ANO10: variants seen among roughly 807,000 people sequenced by gnomAD.
ANO10 encodes the protein anoctamin-10.
Under a neutral mutation model 74.7 loss-of-function variants are expected in ANO10, and 77 were observed. The observed-to-expected ratio is 1.03, with a 90% confidence interval of 0.86 to 1.25. ANO10 has a LOEUF of 1.25. ANO10 is among the 50% of genes most tolerant of loss of function. The pLI is 0.00. For missense variants in ANO10, 721 were observed against 778.1 expected, an observed-to-expected ratio of 0.93 and a Z score of 0.87; for synonymous variants, 279 against 284.9, an observed-to-expected ratio of 0.98 and a Z score of 0.21.
intron 1 of ANO10, among the ~76,000 whole-genome samples, chr3:43,664,059 G>A (rs1309682622): frequency 6.6e-6 from 1 of 152,150 alleles, no homozygotes; most frequent in Non-Finnish European, 1.5e-5. Flanking sequence ...CCAAAAAAGA[G>A]CTCACATAGC....
intron 1 of ANO10, among the ~76,000 whole-genome samples, chr3:43,612,386 T>G (rs1386485324): frequency 6.6e-6 from 1 of 151,888 alleles, no homozygotes; most frequent in Non-Finnish European, 1.5e-5. Flanking sequence ...AAACCAAAAC[T>G]AAACATACAC....
intron 12 of ANO10, among the ~76,000 whole-genome samples, chr3:43,410,138 T>C (rs1236591259): frequency 6.6e-6 from 1 of 151,982 alleles, no homozygotes; most frequent in African/African-American, 2.4e-5. Context: ...TCTTCCGTAT[T>C]TAACATAAGA....
At chr3:43,452,551 A>T (rs1348152933) in intron 11 of ANO10, among the ~76,000 whole-genome samples, 1 of 152,252 alleles carries the variant, frequency 6.6e-6, no homozygotes. Flanking sequence ...TTGTATAAAT[A>T]AACCACATTT....
intron 1 of ANO10, among the ~76,000 whole-genome samples, chr3:43,637,297 G>A (rs760067840): frequency 3.3e-5 from 5 of 152,066 alleles, no homozygotes; most frequent in Non-Finnish European, 5.9e-5. Flanking sequence ...GTGAAACCCG[G>A]TCTCTACTAA....
intron 10 of ANO10, among the ~76,000 whole-genome samples, chr3:43,553,465 C>T (rs1408992983): frequency 2.0e-5 from 3 of 151,974 alleles, no homozygotes; most frequent in Non-Finnish European, 4.4e-5. Context: ...TTTTTATACC[C>T]CCACAGGTCC....
intron 7 of ANO10, among the ~76,000 whole-genome samples, 197 bp from the exon 8 acceptor site, chr3:43,565,924 CG>C (rs1297536031): frequency 1.3e-5 from 2 of 152,056 alleles, no homozygotes; most frequent in Non-Finnish European, 2.9e-5. Flanking sequence ...TCTGAGGTAC[CG>C]GGTTCATCTC....
chr3:43,432,242 A>G (rs1245869944), intron 12 of ANO10, among the ~76,000 whole-genome samples: 1 of 151,066 alleles, frequency 6.6e-6, no homozygotes, highest in Non-Finnish European at 1.5e-5. Flanking sequence ...TCTGAAAGCT[A>G]TTATTCAGGA....
At chr3:43,437,877 C>CAA (rs200845444) in intron 11 of ANO10, among the ~76,000 whole-genome samples, 13 of 142,878 alleles carry the variant, frequency 9.1e-5, no homozygotes, top group South Asian at 6.7e-4. Flanking sequence ...AAAAAAAAAA[C>CAA]AAAAAAAAAC....
intron 1 of ANO10, among the ~76,000 whole-genome samples, chr3:43,653,325 T>A (rs1450532140): frequency 6.6e-6 from 1 of 152,088 alleles, no homozygotes; most frequent in Admixed American, 6.5e-5. Flanking sequence ...ATAAAAGTAT[T>A]CAGATTAATG....
At chr3:43,649,298 C>T (rs1422330845) in intron 1 of ANO10, among the ~76,000 whole-genome samples, 11 of 152,194 alleles carry the variant, frequency 7.2e-5, no homozygotes, top group Non-Finnish European at 1.2e-4. Flanking sequence ...AGATTATTTA[C>T]TGTGATAATT....
intron 8 of ANO10, among the ~76,000 whole-genome samples, chr3:43,564,030 T>C (rs930817374): frequency 6.6e-6 from 1 of 152,136 alleles, no homozygotes; most frequent in Non-Finnish European, 1.5e-5. Flanking sequence ...ATACTCTAAA[T>C]ACCTTGATTG....
intron 1 of ANO10, among the ~76,000 whole-genome samples, chr3:43,619,308 A>G (rs1271345554): frequency 6.6e-6 from 1 of 152,216 alleles, no homozygotes; most frequent in Non-Finnish European, 1.5e-5. Flanking sequence ...TGACGACTAA[A>G]TACAGTGTAG....
At chr3:43,655,085 T>A (rs1416231391) in intron 1 of ANO10, among the ~76,000 whole-genome samples, 3 of 152,220 alleles carry the variant, frequency 2.0e-5, no homozygotes, top group Non-Finnish European at 2.9e-5. Flanking sequence ...ACAATCATTT[T>A]CCTTTTACAC....
intron 4 of ANO10, among the ~76,000 whole-genome samples, chr3:43,584,338 C>T (rs1315639754): frequency 1.3e-5 from 2 of 152,158 alleles, no homozygotes; most frequent in Non-Finnish European, 2.9e-5. Context: ...CATATAACTC[C>T]ACTTGTTATC....
At chr3:43,667,082 T>G (rs1183410589) in intron 1 of ANO10, among the ~76,000 whole-genome samples, 7 of 135,156 alleles carry the variant, frequency 5.2e-5, no homozygotes, top group East Asian at 2.2e-4. Flanking sequence ...GTTTTTTTTT[T>G]TTTTTTTTTT....
intron 7 of ANO10, among the ~76,000 whole-genome samples, chr3:43,569,145 G>C (rs1165600257): frequency 6.7e-6 from 1 of 149,202 alleles, no homozygotes; most frequent in African/African-American, 2.5e-5. Flanking sequence ...AGAAGAAGTT[G>C]AATCTCTGAA....
intron 1 of ANO10, among the ~76,000 whole-genome samples, chr3:43,672,491 A>G (rs762392239): frequency 2.0e-5 from 3 of 152,216 alleles, no homozygotes; most frequent in Non-Finnish European, 2.9e-5. Context: ...TAATTGCACC[A>G]CTGCACTCCA....
rs1157765872 is a variant in ANO10, at chr3:43,386,509, A to C, written c.1915-19535T>G. 3.3e-5 allele frequency among the ~76,000 whole-genome samples: 5 copies of C among 152,130 alleles called. No individual in the cohort carries two copies. The East Asian group carries it at 9.7e-4, about 29-fold the overall frequency. On this transcript the variant is annotated intron_variant, in intron 12 of 12. Transcript: ENST00000292246. ...CTTAAATGTCCCCTCAAAATAGAGAAAAAGGGGACCTCACTGTGTGCTGGG... is the reference window on the plus strand; with the variant it reads ...CTTAAATGTCCCCTCAAAATAGAGACAAAGGGGACCTCACTGTGTGCTGGG...
intron 11 of ANO10, among the ~76,000 whole-genome samples, chr3:43,440,356 A>G (rs983132787): frequency 2.6e-5 from 4 of 152,136 alleles, no homozygotes; most frequent in Non-Finnish European, 4.4e-5. Flanking sequence ...AAAAATGCTC[A>G]TTTTCATTTA....
Sources: gnomAD v4.1 joint callset for allele counts (sites outside exome capture counted in the v4.1 genomes callset) on GRCh38, gnomAD v4.1.1 for gene constraint, MANE v1.5 for transcripts, NCBI Gene and HGNC (gene_info 2026-07-23, HGNC 2026-07-21) for gene names.